TELO2: variants seen among roughly 807,000 people sequenced by gnomAD.
TELO2 encodes telomere maintenance 2.
Under a neutral mutation model 91.0 loss-of-function variants are expected in TELO2, and 71 were observed. The ratio of observed to expected loss-of-function variants is 0.78; its 90% CI spans 0.64 to 0.95. The LOEUF is 0.95. Among genes scored for constraint, TELO2 ranks in the 40% least tolerant of loss-of-function variants. TELO2 has a pLI of 0.00. For missense variants in TELO2, 1,183 were observed against 1,141.3 expected (o/e 1.04, Z -0.53); for synonymous variants, 584 against 518.9 (o/e 1.13, Z -1.71).
At chr16:1,500,947 A>G (rs2039656911) in intron 9 of TELO2, among the ~76,000 whole-genome samples, 1 of 152,222 alleles carries the variant, frequency 6.6e-6, no homozygotes, top group Admixed American at 6.5e-5. Flanking sequence ...GACTCTCTCT[A>G]GACGGGGGCC....
chr16:1,498,727 G>A (rs956509289), intron 5 of TELO2, among the ~76,000 whole-genome samples: 1 of 97,154 alleles, frequency 1.0e-5, no homozygotes, highest in East Asian at 2.7e-4. Flanking sequence ...TCTTTGTGTG[G>A]AATTTTAAGT....
chr16:1,506,537 A>G, intron 17 of TELO2: 1 of 1,433,986 alleles, frequency 7.0e-7, no homozygotes, highest in South Asian at 1.5e-5. Context: ...GGCACCAGGC[A>G]TCTGCTCCGA....
chr16:1,496,915 G>A, intron 3 of TELO2, 121 bp from the exon 4 acceptor site: 1 of 956,510 alleles, frequency 1.0e-6, no homozygotes, highest in Non-Finnish European at 1.6e-6. Context: ...ACCAGCCGTT[G>A]TTTTGAGTGA....
At chr16:1,506,666 G>A (rs45601038) in intron 17 of TELO2, 35 of 1,373,594 alleles carry the variant, frequency 2.5e-5, no homozygotes, top group Non-Finnish European at 3.1e-5. Flanking sequence ...CGTTCAGGGC[G>A]TGAGGCTCTC....
Position 1,497,160 on chromosome 16 carries a change from C to T in TELO2, c.682+56C>T. The T allele has an allele frequency of 6.2e-7, 1 of 1,603,032 alleles. No homozygotes were observed. Among genetic ancestry groups the T allele is most frequent in the Non-Finnish European group, 8.5e-7 (1 of 1,172,056 alleles). Reference sequence around the variant, plus strand: ...TGCCCCGACCCTCACAGCCCATCAGCCTTCTGCAGAAGGCCGAGAATCCCT... The same window carrying T: ...TGCCCCGACCCTCACAGCCCATCAGTCTTCTGCAGAAGGCCGAGAATCCCT... On this transcript the variant is annotated intron_variant, in intron 4 of 20. Coordinates refer to ENST00000262319, the MANE Select transcript of TELO2 (RefSeq NM_016111.4). The surrounding 1 kb of genome is among the most constrained non-coding windows in gnomAD (Gnocchi z 4.0).
At chr16:1,495,652 G>A (rs778926269) in intron 3 of TELO2, 29 bp downstream of exon 3, 15 of 1,557,396 alleles carry the variant, frequency 9.6e-6, no homozygotes, top group East Asian at 4.5e-5. Context: ...GACCCCCTTT[G>A]CCACCCGTCT....
At chr16:1,501,944 G>A (rs1265092403) in intron 11 of TELO2, 103 bp from the exon 12 acceptor site, 1 of 1,534,588 alleles carries the variant, frequency 6.5e-7, no homozygotes, top group East Asian at 2.2e-5. Context: ...AGGGGCCGAG[G>A]CGTGAGCTCC....
At chr16:1,504,369 G>A (rs1188895694) in intron 15 of TELO2, among the ~76,000 whole-genome samples, 1 of 142,126 alleles carries the variant, frequency 7.0e-6, no homozygotes, top group Non-Finnish European at 1.5e-5. Context: ...GGGAGGCGGA[G>A]GTTGTGGTGA....
In TELO2 at chr16:1,502,964, C is replaced by G. The variant is rs769681361; in HGVS notation, c.1804C>G (p.Leu602Val). ...ADYLTSQFYA[L>V]NYSLRQRMDI... ...CTATCTGACCTCACAGTTCTATGCC[C>G]TCAACTACAGCCTCCGGCAGCGCAT... Residue 602 changes from leucine (L) to valine (V), a missense_variant, in exon 15 of 21, where the codon CTC becomes GTC. Physicochemically the swap from Leu to Val is conservative, Grantham distance 32 (BLOSUM62 1). Coordinates refer to ENST00000262319, the MANE Select transcript of TELO2 (RefSeq NM_016111.4). 6.2e-7 allele frequency: 1 copy of G among 1,611,420 alleles called. No homozygotes were observed.
Position 1,497,633 on chromosome 16 carries a change from C to T in TELO2, c.830+125C>T. The T allele has an allele frequency of 1.5e-6, 2 of 1,327,164 alleles. No individual in the cohort carries two copies. The highest frequency in any genetic ancestry group is 2.0e-6 in the Non-Finnish European group (2 of 994,142). 82.2% of individuals were successfully genotyped at this position (1,327,164 alleles called of 1,614,324 possible). ...AGCTGGCACCCCCATGTAGGTGCCA[C>T]AGGGTGTGGGTGGTGCCCTCTCAGT... On this transcript the variant is annotated intron_variant, in intron 5 of 20. Transcript: ENST00000262319. The surrounding 1 kb of genome is among the most constrained non-coding windows in gnomAD (Gnocchi z 4.0).
rs2040096427 is a variant in TELO2, at chr16:1,510,420, C to T, written c.*484C>T. On this transcript the variant is annotated 3_prime_UTR_variant, in exon 21 of 21. Coordinates refer to ENST00000262319, the MANE Select transcript of TELO2 (RefSeq NM_016111.4). The stretch of plus-strand genomic sequence containing the variant: ...GCTCGTGGGGCGGGATGGGACAGGG[C>T]ACGGGCTCTCAGAAAATAAACTGCT... 1 of 224,524 alleles carries T rather than the reference C, an allele frequency of 4.5e-6. No homozygotes were observed. The highest frequency in any genetic ancestry group is 8.9e-6 in the Non-Finnish European group (1 of 111,812). 13.9% of individuals were successfully genotyped at this position (224,524 alleles called of 1,614,324 possible). A position where few individuals can be genotyped will look rare whatever the true frequency, so the allele number is the denominator to read the frequency against.
chr16:1,498,173 C>A (rs1216667310), intron 5 of TELO2, among the ~76,000 whole-genome samples: 1 of 152,108 alleles, frequency 6.6e-6, no homozygotes, highest in African/African-American at 2.4e-5. Context: ...CGCCACCACA[C>A]CCGGCTAATT....
intron 3 of TELO2, among the ~76,000 whole-genome samples, chr16:1,496,009 C>G (rs777289163): frequency 2.0e-5 from 3 of 152,246 alleles, no homozygotes; most frequent in Non-Finnish European, 2.9e-5. Flanking sequence ...CATGCTCGCT[C>G]TGTTTTCCCT....
At chr16:1,495,997 C>T (rs2039478013) in intron 3 of TELO2, among the ~76,000 whole-genome samples, 1 of 152,234 alleles carries the variant, frequency 6.6e-6, no homozygotes. Flanking sequence ...CCCGTGAGCG[C>T]CCATGCTCGC....
chr16:1,502,631 A>C lies in TELO2; in HGVS notation c.1654-14A>C. 1 of 1,609,338 alleles carries C rather than the reference A, an allele frequency of 6.2e-7. No homozygotes were observed. Among genetic ancestry groups the C allele is most frequent in the Non-Finnish European group, 8.5e-7 (1 of 1,179,488 alleles). On this transcript the variant is annotated splice_polypyrimidine_tract_variant and intron_variant, in intron 13 of 20. Coordinates refer to ENST00000262319, the MANE Select transcript of TELO2 (RefSeq NM_016111.4). ...GGGTCCGACAGGTTTCCCAGCCCTA[A>C]CCCCTGCGTGCAGGTGAGCGTGGAG...
rs983632666 is a variant in TELO2 at position 1,494,261 on chromosome 16, C to T, written c.-21C>T. On this transcript the variant is annotated 5_prime_UTR_variant, in exon 2 of 21. In the 5' UTR this introduces an upstream ATG that the reference lacks. Coordinates refer to ENST00000262319, the MANE Select transcript of TELO2 (RefSeq NM_016111.4). This position sits in a 1 kb window ranked among gnomAD's most constrained non-coding sequence, Gnocchi z 5.6. ...CATGTCACAGGTCGTCTTCCCGTGA[C>T]GCCCAGATCTGTCCTGCAGGATGGA... The T allele has an allele frequency of 1.3e-5, 20 of 1,596,876 alleles. No homozygotes were observed. The highest frequency in any genetic ancestry group is 1.6e-5 in the Non-Finnish European group (19 of 1,167,694).
rs1057166734 is a variant in TELO2, at chr16:1,505,263, A to G, written c.1843-147A>G. On this transcript the variant is annotated intron_variant, in intron 15 of 20. Transcript: ENST00000262319. The surrounding 1 kb of genome is among the most constrained non-coding windows in gnomAD (Gnocchi z 4.3). ...GCGCGGTTGCTGTGAGCTACGGGGA[A>G]GTGACTTTTCTCCTTGTTCCCAGAA... The G allele has an allele frequency of 6.5e-6, 6 of 924,862 alleles. No individual in the cohort carries two copies. In the East Asian group the frequency reaches 8.0e-5, roughly 12 times the overall value. The allele number at this position is 924,862 out of a possible 1,614,324, so 57.3% of individuals were successfully genotyped here.
intron 3 of TELO2, 36 bp from the exon 4 acceptor site, chr16:1,497,000 G>A (rs180929687): frequency 7.8e-5 from 125 of 1,607,730 alleles, no homozygotes; most frequent in South Asian, 7.6e-4. Flanking sequence ...GTGCCTTCCC[G>A]CCGGCTTCCT....
intron 11 of TELO2, 52 bp downstream of exon 11, chr16:1,501,825 C>G (rs72779276): frequency 0.23 from 358,491 of 1,561,974 alleles, 46,699 homozygotes; most frequent in Non-Finnish European, 0.27. Flanking sequence ...GGGAGGCGAA[C>G]CCCTCACACT....
Sources: gnomAD v4.1 joint callset for allele counts (sites outside exome capture counted in the v4.1 genomes callset) on GRCh38, gnomAD v4.1.1 for gene constraint, Gnocchi (gnomAD v3.1) non-coding constraint, MANE v1.5 for transcripts, NCBI Gene and HGNC (gene_info 2026-07-23, HGNC 2026-07-21) for gene names.